The following MED7 variants were observed in gnomAD, a reference collection of about 807,000 sequenced individuals.
The protein encoded by MED7 is mediator complex subunit 7.
In MED7, 7 loss-of-function variants were observed where a neutral mutation model predicts 16.6. The observed-to-expected ratio is 0.42, with a 90% CI of 0.24 to 0.79. MED7 has a LOEUF of 0.79. Ranked by LOEUF, MED7 falls within the 30% of genes least tolerant of loss-of-function variation. The pLI is 0.27. For missense variants in MED7, 240 were observed against 286.3 expected, an observed-to-expected ratio of 0.84 and a Z score of 1.17; for synonymous variants, 88 against 90.5, an observed-to-expected ratio of 0.97 and a Z score of 0.16.
chr5:157,140,045 G>C (rs1485913788), intron 1 of MED7, among the ~76,000 whole-genome samples: 1 of 152,130 alleles, frequency 6.6e-6, no homozygotes, highest in African/African-American at 2.4e-5. Flanking sequence ...GTCTTGCTCT[G>C]ATGTCCAGGC....
Position 157,138,640 on chromosome 5 carries a change from T to G in MED7, c.*90A>C, listed in dbSNP as rs937781922. 35 of 1,151,168 alleles carry G rather than the reference T, an allele frequency of 3.0e-5. No homozygotes were observed. Among genetic ancestry groups the G allele is most frequent in the African/African-American group, 6.2e-5 (4 of 64,618 alleles). 71.3% of individuals were successfully genotyped at this position (1,151,168 alleles called of 1,614,324 possible). ...GTCAAGATTAAAGCTGTTTACATTT[T>G]TAGTGAAACTTCTCTTAAGACTGTC... On this transcript the variant is annotated 3_prime_UTR_variant, in exon 2 of 2. Coordinates refer to ENST00000286317, the MANE Select transcript of MED7 (RefSeq NM_004270.5).
chr5:157,138,488 C>A lies in MED7; in HGVS notation c.*242G>T. The A allele has an allele frequency of 2.4e-6, 1 of 417,102 alleles. No individual in the cohort carries two copies. Among genetic ancestry groups the A allele is most frequent in the Non-Finnish European group, 4.2e-6 (1 of 236,414 alleles). The allele number at this position is 417,102 out of a possible 1,614,324, so 25.8% of individuals were successfully genotyped here. ...CTGCAACTCTAAAACATAGGAATGT[C>A]CCATACAACAGCAGCTAACACTTTG... On this transcript the variant is annotated 3_prime_UTR_variant, in exon 2 of 2. Coordinates refer to ENST00000286317, the MANE Select transcript of MED7 (RefSeq NM_004270.5).
Position 157,139,132 on chromosome 5 carries a change from A to C in MED7, c.300T>G (p.Pro100=). 5 of 1,613,794 alleles carry C rather than the reference A, an allele frequency of 3.1e-6. No homozygotes were observed. Among genetic ancestry groups the C allele is most frequent in the Non-Finnish European group, 4.2e-6 (5 of 1,179,860 alleles). ...GTTTCTCTTCTCGTTTTATACTCCC[A>C]GGGCTCCTTATTAAAATATCTAAAA... ...LDLLDILIRS[P]GSIKREEKLE... is the part of the protein sequence containing the mutation. The change falls in exon 2 of 2, where the codon CCT becomes CCG. Residue 100 remains proline, a synonymous_variant. Transcript: ENST00000286317.
intron 1 of MED7, among the ~76,000 whole-genome samples, chr5:157,139,795 C>T (rs246877): frequency 0.38 from 55,676 of 148,120 alleles, 12,701 homozygotes; most frequent in African/African-American, 0.63. Flanking sequence ...ACTACACAGG[C>T]TGTCTCCCAA....
Position 157,139,105 on chromosome 5 carries a change from T to C in MED7, c.327A>G (p.Leu109=). The C allele has an allele frequency of 6.2e-7, 1 of 1,613,996 alleles. No individual in the cohort carries two copies. Among genetic ancestry groups the C allele is most frequent in the Non-Finnish European group, 8.5e-7 (1 of 1,179,956 alleles). The change falls in exon 2 of 2, where the codon CTA becomes CTG. Residue 109 remains leucine (L), a synonymous_variant. Coordinates refer to ENST00000286317, the MANE Select transcript of MED7 (RefSeq NM_004270.5). ...GTACAAAAAGCAGCTTAAGATCTTC[T>C]AGTTTCTCTTCTCGTTTTATACTCC... ...SPGSIKREEK[L]EDLKLLFVHV... is the part of the protein sequence containing the mutation.
rs546514699 is a variant in MED7 at position 157,142,382 on chromosome 5, C to T, written c.-18+438G>A. ...TGACGATTAGGCTTGGGATCTACCG[C>T]CCTCGCCTGCCCCCATACCTCAGCT... On this transcript the variant is annotated intron_variant, in intron 1 of 1. Coordinates refer to ENST00000286317, the MANE Select transcript of MED7 (RefSeq NM_004270.5). 7 of 152,414 alleles carry T rather than the reference C, an allele frequency of 4.6e-5. No homozygotes were observed. In the East Asian group the frequency reaches 1.3e-3, roughly 29 times the overall value. The allele number at this position is 152,414 out of a possible 1,614,324, so 9.4% of individuals were successfully genotyped here. A position where few individuals can be genotyped will look rare whatever the true frequency, so the allele number is the denominator to read the frequency against.
rs1489947051 is a variant in MED7, at chr5:157,142,861, A to T, written c.-59T>A. 1 of 152,322 alleles carries T rather than the reference A, an allele frequency of 6.6e-6. No individual in the cohort carries two copies. Among genetic ancestry groups the T allele is most frequent in the Non-Finnish European group, 1.5e-5 (1 of 68,146 alleles). The allele number at this position is 152,322 out of a possible 1,614,324, so 9.4% of individuals were successfully genotyped here. On this transcript the variant is annotated 5_prime_UTR_variant, in exon 1 of 2. Coordinates refer to ENST00000286317, the MANE Select transcript of MED7 (RefSeq NM_004270.5). ...CACTGGTAGCCGCCTTCCCCTCTGC[A>T]GCCGAAACCAACTTCCGGTCTCCTC...
chr5:157,142,576 CGGAG>C (rs1757743484), intron 1 of MED7: 2 of 152,408 alleles, frequency 1.3e-5, no homozygotes, highest in African/African-American at 4.8e-5. Context: ...CGTCCCAACA[CGGAG>C]GAAGCCCCGA....
Position 157,139,037 on chromosome 5 carries a change from C to T in MED7, c.395G>A (p.Arg132Lys). The change falls in exon 2 of 2, where the codon AGA becomes AAA. Residue 132 changes from arginine to lysine, a missense_variant. Coordinates refer to ENST00000286317, the MANE Select transcript of MED7 (RefSeq NM_004270.5). ...CTCCATCATGACTCTCAAGGTCTCT[C>T]TTGCTTGGTGGGGTCGGTATTCATT... ...LINEYRPHQA[R>K]ETLRVMMEVQ... 1.2e-6 allele frequency: 2 copies of T among 1,614,128 alleles called. No homozygotes were observed. The highest frequency in any genetic ancestry group is 1.7e-6 in the Non-Finnish European group (2 of 1,180,026).
Position 157,137,632 on chromosome 5 carries a change from G to C in MED7, c.*1098C>G, listed in dbSNP as rs891041467. The stretch of plus-strand genomic sequence containing the variant: ...CAGATGGACAGTCGGGGGAAGAAGA[G>C]AAGAAAGTGCTCATATAAAGTCCAA... On this transcript the variant is annotated 3_prime_UTR_variant, in exon 2 of 2. Transcript: ENST00000286317. The C allele has an allele frequency of 1.3e-5, 2 of 152,276 alleles. No homozygotes were observed. Among genetic ancestry groups the C allele is most frequent in the African/African-American group, 4.8e-5 (2 of 41,444 alleles). 9.4% of individuals were successfully genotyped at this position (152,276 alleles called of 1,614,324 possible).
intron 1 of MED7, among the ~76,000 whole-genome samples, chr5:157,139,740 G>T (rs1757696679): frequency 6.6e-6 from 1 of 151,732 alleles, no homozygotes; most frequent in Non-Finnish European, 1.5e-5. Context: ...TGGACTCCAT[G>T]CCCCTCACCA....
At chr5:157,141,971 A>C (rs1757731224) in intron 1 of MED7, among the ~76,000 whole-genome samples, 1 of 152,362 alleles carries the variant, frequency 6.6e-6, no homozygotes, top group African/African-American at 2.4e-5. Flanking sequence ...CCCCAGATCA[A>C]AAGGTTAATA....
chr5:157,141,821 C>A (rs1284186253), intron 1 of MED7, among the ~76,000 whole-genome samples: 1 of 151,874 alleles, frequency 6.6e-6, no homozygotes, highest in African/African-American at 2.4e-5. Flanking sequence ...GAACTCCTGA[C>A]CTCAAGTGAT....
At chr5:157,139,939 GA>G (rs1467989642) in intron 1 of MED7, among the ~76,000 whole-genome samples, 7 of 152,154 alleles carry the variant, frequency 4.6e-5, no homozygotes, top group African/African-American at 1.4e-4. Flanking sequence ...CAAAGTTCCT[GA>G]ATGAAATGAT....
Position 157,138,607 on chromosome 5 carries a change from A to C in MED7, c.*123T>G. On this transcript the variant is annotated 3_prime_UTR_variant, in exon 2 of 2. Coordinates refer to ENST00000286317, the MANE Select transcript of MED7 (RefSeq NM_004270.5). ...TGCCTATGACATCTCATAATTGAAA[A>C]ATTTGGAGTCAAGATTAAAGCTGTT... The C allele has an allele frequency of 1.2e-6, 1 of 821,840 alleles. No homozygotes were observed. The highest frequency in any genetic ancestry group is 1.9e-5 in the South Asian group (1 of 53,828). The allele number at this position is 821,840 out of a possible 1,614,324, so 50.9% of individuals were successfully genotyped here.
chr5:157,140,504 T>A (rs1323071196), intron 1 of MED7, among the ~76,000 whole-genome samples: 1 of 139,900 alleles, frequency 7.1e-6, no homozygotes, highest in Non-Finnish European at 1.5e-5. Context: ...CACTCTAACA[T>A]CGGGTGGGGC....
intron 1 of MED7, among the ~76,000 whole-genome samples, chr5:157,141,884 C>A (rs1757730242): frequency 6.6e-6 from 1 of 152,208 alleles, no homozygotes; most frequent in Non-Finnish European, 1.5e-5. Flanking sequence ...AGCCACCACA[C>A]GGTCCCACGA....
At chr5:157,141,771 G>C (rs1300645684) in intron 1 of MED7, among the ~76,000 whole-genome samples, 1 of 151,836 alleles carries the variant, frequency 6.6e-6, no homozygotes, top group Non-Finnish European at 1.5e-5. Context: ...TGTATTTCTC[G>C]GTAAAGACAG....
Position 157,138,033 on chromosome 5 carries a change from A to G in MED7, c.*697T>C, listed in dbSNP as rs1399612708. On this transcript the variant is annotated 3_prime_UTR_variant, in exon 2 of 2. Coordinates refer to ENST00000286317, the MANE Select transcript of MED7 (RefSeq NM_004270.5). Reference sequence around the variant, plus strand: ...CCCATTGTGGACTTAAACAAGTCTGAGCTTAGCTTTAAAGAAAATGTATAG... The same window carrying G: ...CCCATTGTGGACTTAAACAAGTCTGGGCTTAGCTTTAAAGAAAATGTATAG... The G allele has an allele frequency of 1.3e-5, 2 of 152,352 alleles. No individual in the cohort carries two copies. The highest frequency in any genetic ancestry group is 3.9e-4 in the East Asian group (2 of 5,194). The allele number at this position is 152,352 out of a possible 1,614,324, so 9.4% of individuals were successfully genotyped here. A position where few individuals can be genotyped will look rare whatever the true frequency, so the allele number is the denominator to read the frequency against.
Sources: allele counts gnomAD v4.1 joint callset (sites outside exome capture counted in the v4.1 genomes callset), GRCh38; gene constraint gnomAD v4.1.1; transcripts MANE v1.5; gene names NCBI Gene and HGNC (gene_info 2026-07-23, HGNC 2026-07-21).